PCDH7: variants seen among roughly 807,000 people sequenced by gnomAD.
PCDH7 encodes the protein protocadherin-7.
PCDH7 carries 17 observed loss-of-function variants against 58.9 expected under a neutral mutation model. The observed-to-expected ratio is 0.29, with a 90% confidence interval of 0.20 to 0.43. The LOEUF is 0.43. Among genes scored for constraint, PCDH7 ranks in the 20% least tolerant of loss-of-function variants. PCDH7 has a pLI of 1.00. For synonymous variants in PCDH7, 664 were observed against 616.4 expected (o/e 1.08, Z -1.14); for missense variants, 1,274 against 1,441.0 (o/e 0.88, Z 1.88).
chr4:31,047,982 A>G (rs952580307), intron 3 of PCDH7, among the ~76,000 whole-genome samples: 1 of 152,050 alleles, frequency 6.6e-6, no homozygotes, highest in African/African-American at 2.4e-5. Context: ...TTTAACCATA[A>G]TAAATTTTAC....
chr4:30,902,561 G>T (rs1191414643), intron 1 of PCDH7, among the ~76,000 whole-genome samples: 2 of 151,972 alleles, frequency 1.3e-5, no homozygotes, highest in African/African-American at 4.8e-5. Context: ...ATTTTAATAG[G>T]CTATAATAAA....
At chr4:31,107,380 C>T (rs76172106) in intron 3 of PCDH7, among the ~76,000 whole-genome samples, 3,904 of 152,160 alleles carry the variant, frequency 0.026, 75 homozygotes, top group Non-Finnish European at 0.034. Context: ...CATACAAAAT[C>T]GCTGAAGCAA....
intron 3 of PCDH7, among the ~76,000 whole-genome samples, chr4:31,014,061 G>A (rs1411968216): frequency 6.6e-6 from 1 of 152,044 alleles, no homozygotes; most frequent in Non-Finnish European, 1.5e-5. Flanking sequence ...TTTGGGGATA[G>A]TAAATTTATT....
At chr4:30,826,776 A>AGT (rs1287139934) in intron 1 of PCDH7, among the ~76,000 whole-genome samples, 1 of 152,010 alleles carries the variant, frequency 6.6e-6, no homozygotes, top group Non-Finnish European at 1.5e-5. Context: ...CCCAGGCTGG[A>AGT]GTATAGCAGC....
chr4:31,056,922 G>A (rs1363335961), intron 3 of PCDH7, among the ~76,000 whole-genome samples: 1 of 151,966 alleles, frequency 6.6e-6, no homozygotes, highest in Non-Finnish European at 1.5e-5. Flanking sequence ...ATATCCAAAT[G>A]GGACAAACTT....
chr4:30,722,709 G>T lies in PCDH7; in HGVS notation c.1287G>T (p.Val429=). Residue 429 remains valine (V), a synonymous_variant, in exon 1 of 2, where the codon GTG becomes GTT. Coordinates refer to ENST00000361762, the Ensembl canonical transcript of PCDH7. The surrounding 1 kb of genome is among the most constrained non-coding windows in gnomAD (Gnocchi z 7.6). Reference sequence around the variant, plus strand: ...GGCGCATCCCCCTCAAGGACGGGGTGGCCAACGTGGCCGAGGACGTTCTGG... The same window carrying T: ...GGCGCATCCCCCTCAAGGACGGGGTTGCCAACGTGGCCGAGGACGTTCTGG... 1 of 1,613,524 alleles carries T rather than the reference G, an allele frequency of 6.2e-7. No individual in the cohort carries two copies. Among genetic ancestry groups the T allele is most frequent in the African/African-American group, 1.3e-5 (1 of 75,072 alleles).
At chr4:30,755,091 C>G (rs1158760441) in intron 1 of PCDH7, among the ~76,000 whole-genome samples, 1 of 152,100 alleles carries the variant, frequency 6.6e-6, no homozygotes, top group African/African-American at 2.4e-5. Context: ...TGGGTTGGAA[C>G]CTAGGGCTAG....
chr4:30,926,417 T>A (rs1194094893), intron 2 of PCDH7, among the ~76,000 whole-genome samples: 1 of 152,030 alleles, frequency 6.6e-6, no homozygotes, highest in Non-Finnish European at 1.5e-5. Context: ...AACTCCTGAC[T>A]TCGTGATCTG....
chr4:30,807,541 A>G (rs944350254), intron 1 of PCDH7, among the ~76,000 whole-genome samples: 3 of 152,200 alleles, frequency 2.0e-5, no homozygotes, highest in Non-Finnish European at 4.4e-5. Flanking sequence ...CCTCTGCAAA[A>G]ATAGAAAGAC....
intron 3 of PCDH7, among the ~76,000 whole-genome samples, chr4:30,967,717 G>C (rs1484150826): frequency 6.6e-6 from 1 of 152,038 alleles, no homozygotes; most frequent in Non-Finnish European, 1.5e-5. Context: ...CAAATGTTTT[G>C]AGTAGCATTT....
chr4:30,721,183 A>T lies in PCDH7; in HGVS notation c.-240A>T, dbSNP rs541923808. The T allele has an allele frequency of 1.5e-5, 8 of 520,666 alleles. No individual in the cohort carries two copies. In the South Asian group the frequency reaches 2.4e-4, roughly 15 times the overall value. The allele number at this position is 520,666 out of a possible 1,614,324, so 32.3% of individuals were successfully genotyped here. On this transcript the variant is annotated 5_prime_UTR_variant, in exon 1 of 2. It removes an upstream start codon present in the reference 5' UTR. Coordinates refer to ENST00000361762, the Ensembl canonical transcript of PCDH7. This position sits in a 1 kb window ranked among gnomAD's most constrained non-coding sequence, Gnocchi z 6.7. ...GCGATTAGCACCCATTGCATGAATT[A>T]TGAAACAATAACTTTCGGAAGAAGC...
intron 3 of PCDH7, among the ~76,000 whole-genome samples, chr4:31,049,833 T>C (rs1418132391): frequency 6.6e-6 from 1 of 152,144 alleles, no homozygotes; most frequent in Non-Finnish European, 1.5e-5. Flanking sequence ...ACCAATCATT[T>C]TCATGAAAGA....
chr4:31,051,364 G>T (rs1024919336), intron 3 of PCDH7, among the ~76,000 whole-genome samples: 1 of 152,098 alleles, frequency 6.6e-6, no homozygotes, highest in African/African-American at 2.4e-5. Flanking sequence ...GTTAACCAGT[G>T]TTTGATGAAC....
intron 3 of PCDH7, among the ~76,000 whole-genome samples, chr4:31,074,755 A>AGCCTGGG (rs145655650): frequency 0.027 from 3,548 of 131,408 alleles, 164 homozygotes; most frequent in African/African-American, 0.1. Flanking sequence ...ACTGCACTCC[A>AGCCTGGG]GCCTGGGCTA....
chr4:30,886,876 A>G (rs1048280438), intron 1 of PCDH7, among the ~76,000 whole-genome samples: 3 of 148,016 alleles, frequency 2.0e-5, no homozygotes, highest in Non-Finnish European at 4.5e-5. Context: ...TGCAAGAACA[A>G]AAAACCAAAC....
At chr4:31,067,318 A>C (rs1758166975) in intron 3 of PCDH7, among the ~76,000 whole-genome samples, 1 of 149,092 alleles carries the variant, frequency 6.7e-6, no homozygotes, top group Non-Finnish European at 1.5e-5. Flanking sequence ...TTTTTATTTC[A>C]GTTCGGAATG....
chr4:31,006,000 G>A lies in PCDH7; in HGVS notation c.*7+55785G>A, dbSNP rs189926758. On this transcript the variant is annotated intron_variant, in intron 3 of 3. Transcript: ENST00000509759. The stretch of plus-strand genomic sequence containing the variant: ...GCCTGACTACTTCATCTGCAAAATG[G>A]AGACGATAATAATATCTATTTCATA... 1.4e-3 allele frequency among the ~76,000 whole-genome samples: 208 copies of A among 152,222 alleles called. 1 individual carries two copies. The highest frequency in any genetic ancestry group is 4.9e-3 in the African/African-American group (204 of 41,520).
rs374258449 is a variant in PCDH7 at position 30,772,818 on chromosome 4, A to T, written c.70+48222A>T. 1.8e-4 allele frequency among the ~76,000 whole-genome samples: 27 copies of T among 152,326 alleles called. 2 individuals are homozygous for T. Among genetic ancestry groups the T allele is most frequent in the East Asian group, 1.5e-3 (8 of 5,188 alleles). On this transcript the variant is annotated intron_variant, in intron 1 of 3. Coordinates refer to the PCDH7 transcript ENST00000509759. ...TTAGTAAAGTGCTGTAAGTTTTTAG[A>T]AAGTGTTTTTACATGTATTATCTTG...
At chr4:30,873,984 T>A (rs1199858155) in intron 1 of PCDH7, among the ~76,000 whole-genome samples, 2 of 152,140 alleles carry the variant, frequency 1.3e-5, no homozygotes, top group Admixed American at 6.6e-5. Context: ...TTGTTTCAGT[T>A]GGGCTATGTT....
Sources: allele counts gnomAD v4.1 joint callset (sites outside exome capture counted in the v4.1 genomes callset), GRCh38; gene constraint gnomAD v4.1.1; non-coding constraint Gnocchi (gnomAD v3.1); transcripts MANE v1.5; gene names NCBI Gene and HGNC (gene_info 2026-07-23, HGNC 2026-07-21).